MRTFB: variants seen among roughly 807,000 people sequenced by gnomAD.
MRTFB encodes the protein myocardin related transcription factor B.
Under a neutral mutation model 104.2 loss-of-function variants are expected in MRTFB, and 29 were observed. The ratio of observed to expected loss-of-function variants is 0.28; its 90% confidence interval spans 0.21 to 0.38. The LOEUF (loss-of-function observed/expected upper bound fraction) is 0.38, where lower values mean the gene tolerates loss of function less well. Ranked by LOEUF, MRTFB falls within the 10% of genes least tolerant of loss-of-function variation. MRTFB has a pLI of 1.00. For synonymous variants in MRTFB, 535 were observed against 519.5 expected (o/e 1.03, Z -0.41); for missense variants, 1,270 against 1,341.6 (o/e 0.95, Z 0.83).
intron 13 of MRTFB, 98 bp from the exon 14 acceptor site, chr16:14,251,764 G>GT: frequency 7.5e-7 from 1 of 1,330,246 alleles, no homozygotes; most frequent in Non-Finnish European, 1.0e-6. Context: ...GCCCTTTACA[G>GT]AAAAAGTTTG....
the MRTFB span, among the ~76,000 whole-genome samples, chr16:14,039,017 C>G: frequency 6.6e-6 from 1 of 152,148 alleles, no homozygotes; most frequent in South Asian, 2.1e-4. Context: ...GAAACTGCCC[C>G]CATGATTCAG....
At chr16:14,082,470 G>A (rs967638982) in intron 2 of MRTFB, among the ~76,000 whole-genome samples, 18 of 152,192 alleles carry the variant, frequency 1.2e-4, no homozygotes, top group African/African-American at 4.3e-4. Flanking sequence ...ACCAGGTAGT[G>A]TGATATCTCC....
At chr16:14,018,020 C>A in the MRTFB span, among the ~76,000 whole-genome samples, 1 of 151,976 alleles carries the variant, frequency 6.6e-6, no homozygotes, top group African/African-American at 2.4e-5. Context: ...CTGTACTTGG[C>A]CTCCCTTTGA....
chr16:14,005,405 A>AT, the MRTFB span, among the ~76,000 whole-genome samples: 2 of 152,204 alleles, frequency 1.3e-5, no homozygotes. Flanking sequence ...AGAAAGATTC[A>AT]GCAGAGAGTG....
rs568655995 is a variant in MRTFB at position 14,187,053 on chromosome 16, CAG to C, written c.155-23189_155-23188del. ...CAAGGAAGGTCAGTCTGTCTGTGGA[CAG>C]GGGCAAAACTGCCAAATTCATATTC... On this transcript the variant is annotated intron_variant, in intron 3 of 16. Coordinates refer to ENST00000571589, the MANE Select transcript of MRTFB (RefSeq NM_001308142.2). 118 of 1,585,440 alleles carry C rather than the reference CAG, an allele frequency of 7.4e-5. No individual in the cohort carries two copies. In the African/African-American group the frequency reaches 1.4e-3, roughly 19 times the overall value.
intron 3 of MRTFB, among the ~76,000 whole-genome samples, chr16:14,179,322 C>T (rs150620028): frequency 5.3e-5 from 8 of 152,344 alleles, no homozygotes; most frequent in African/African-American, 1.9e-4. Flanking sequence ...TTCCTTTTCT[C>T]TGTTGAAACT....
intron 2 of MRTFB, among the ~76,000 whole-genome samples, chr16:14,139,880 G>A (rs548447199): frequency 1.3e-5 from 2 of 152,282 alleles, no homozygotes; most frequent in Admixed American, 1.3e-4. Flanking sequence ...GTTTTCTGCT[G>A]CCGACTTTGT....
At chr16:14,117,387 A>G (rs1344715325) in intron 2 of MRTFB, among the ~76,000 whole-genome samples, 3 of 152,340 alleles carry the variant, frequency 2.0e-5, no homozygotes, top group African/African-American at 4.8e-5. Context: ...TACTCCTCCT[A>G]TCCAGTCTTG....
intron 3 of MRTFB, among the ~76,000 whole-genome samples, chr16:14,188,737 G>A (rs1246340551): frequency 6.6e-6 from 1 of 152,164 alleles, no homozygotes. Context: ...TTTGTACAAT[G>A]AGGAGAAACA....
chr16:14,253,354 C>G (rs1471751936), intron 15 of MRTFB, among the ~76,000 whole-genome samples: 2 of 152,174 alleles, frequency 1.3e-5, no homozygotes, highest in Non-Finnish European at 2.9e-5. Context: ...CACCAAGAGA[C>G]AATATCCAAG....
the MRTFB span, among the ~76,000 whole-genome samples, chr16:14,024,064 A>T: frequency 6.6e-6 from 1 of 151,302 alleles, no homozygotes; most frequent in African/African-American, 2.5e-5. Flanking sequence ...AAAAAAAAAG[A>T]ATGGTGCCTG....
intron 2 of MRTFB, among the ~76,000 whole-genome samples, chr16:14,100,036 T>C (rs2035615252): frequency 6.6e-6 from 1 of 152,248 alleles, no homozygotes; most frequent in Non-Finnish European, 1.5e-5. Context: ...ATCATGTTAT[T>C]TTTAAACGAA....
At chr16:14,133,123 CTACTT>C (rs1187015425) in intron 2 of MRTFB, among the ~76,000 whole-genome samples, 1 of 152,144 alleles carries the variant, frequency 6.6e-6, no homozygotes, top group Admixed American at 6.5e-5. Flanking sequence ...AATTTTTACT[CTACTT>C]TAAAGAAGCA....
chr16:14,002,626 A>G, the MRTFB span, among the ~76,000 whole-genome samples: 1 of 152,206 alleles, frequency 6.6e-6, no homozygotes, highest in African/African-American at 2.4e-5. Context: ...TACCGTTTAT[A>G]CTGGTCAACC....
chr16:14,163,833 C>CA (rs71715684), intron 3 of MRTFB, among the ~76,000 whole-genome samples: 2,107 of 102,040 alleles, frequency 0.021, 104 homozygotes, highest in Admixed American at 0.15. Flanking sequence ...AACTCTGTCT[C>CA]AAAAAAAAAA....
chr16:14,107,947 C>T (rs1016537968), intron 2 of MRTFB, among the ~76,000 whole-genome samples: 1 of 152,154 alleles, frequency 6.6e-6, no homozygotes, highest in South Asian at 2.1e-4. Flanking sequence ...ACAGGGAGAC[C>T]TGAACTTTCG....
chr16:14,242,423 A>G (rs1436959524), intron 10 of MRTFB, among the ~76,000 whole-genome samples: 1 of 152,222 alleles, frequency 6.6e-6, no homozygotes, highest in African/African-American at 2.4e-5. Flanking sequence ...TGTATTATTT[A>G]ACCACAAAAA....
intron 8 of MRTFB, among the ~76,000 whole-genome samples, chr16:14,229,749 GT>G (rs533554792): frequency 6.7e-5 from 10 of 148,818 alleles, no homozygotes; most frequent in South Asian, 4.3e-4. Flanking sequence ...TGCCTTTTTA[GT>G]TTTTTTTTTG....
At chr16:14,248,854 C>A in intron 12 of MRTFB, 72 bp from the exon 13 acceptor site, 1 of 1,529,806 alleles carries the variant, frequency 6.5e-7, no homozygotes. Flanking sequence ...ACCAGTGATT[C>A]TACACCTAAG....
Sources: allele counts gnomAD v4.1 joint callset (sites outside exome capture counted in the v4.1 genomes callset), GRCh38; gene constraint gnomAD v4.1.1; transcripts MANE v1.5; gene names NCBI Gene and HGNC (gene_info 2026-07-23, HGNC 2026-07-21).